MYT1L: variants seen among roughly 807,000 people sequenced by gnomAD.
MYT1L encodes the protein myelin transcription factor 1-like protein.
In MYT1L, 12 loss-of-function variants were observed where a neutral mutation model predicts 126.7. The ratio of observed to expected loss-of-function variants is 0.09; its 90% confidence interval spans 0.06 to 0.15. MYT1L has a LOEUF of 0.15. MYT1L is among the 10% of genes least tolerant of loss of function. The pLI is 1.00. For synonymous variants in MYT1L, 541 were observed against 604.2 expected (o/e 0.90, Z 1.53); for missense variants, 979 against 1,585.2 (o/e 0.62, Z 6.49).
chr2:2,285,083 T>G (rs1307494984), intron 1 of MYT1L, among the ~76,000 whole-genome samples: 1 of 152,188 alleles, frequency 6.6e-6, no homozygotes, highest in Non-Finnish European at 1.5e-5. Flanking sequence ...GTCAGTTGTG[T>G]GAAACTTGAG....
intron 3 of MYT1L, among the ~76,000 whole-genome samples, chr2:2,124,526 C>A (rs1406454505): frequency 6.6e-6 from 1 of 152,152 alleles, no homozygotes; most frequent in Non-Finnish European, 1.5e-5. Context: ...GAACTTCTGA[C>A]CTCAGGTAAT....
intron 23 of MYT1L, among the ~76,000 whole-genome samples, chr2:1,792,871 C>CAAAAAAAAAAAAAAAAAA (rs55682787): frequency 1.3e-5 from 1 of 76,298 alleles, no homozygotes; most frequent in African/African-American, 4.8e-5. Context: ...TTCCGTCTCA[C>CAAAAAAAAAAAAAAAAAA]AAAAAAAAAA....
intron 8 of MYT1L, among the ~76,000 whole-genome samples, chr2:1,963,120 G>A (rs1236337070): frequency 6.6e-6 from 1 of 152,212 alleles, no homozygotes; most frequent in African/African-American, 2.4e-5. Flanking sequence ...CCCATGGGCT[G>A]CAGAATGGAT....
intron 15 of MYT1L, 102 bp downstream of exon 15, chr2:1,891,935 C>A: frequency 2.8e-6 from 4 of 1,433,314 alleles, no homozygotes; most frequent in Non-Finnish European, 3.6e-6. Context: ...ACGGCGTTTG[C>A]CCCATACAGC....
chr2:1,927,223 T>C (rs1292833817), intron 9 of MYT1L, among the ~76,000 whole-genome samples: 1 of 152,012 alleles, frequency 6.6e-6, no homozygotes. Context: ...ATTCAGTGGC[T>C]GATCTCATGG....
intron 18 of MYT1L, among the ~76,000 whole-genome samples, chr2:1,866,647 GAGAC>G (rs2045551264): frequency 1.3e-5 from 1 of 74,164 alleles, no homozygotes; most frequent in Non-Finnish European, 2.6e-5. Flanking sequence ...GGGAGAGAGA[GAGAC>G]AGAGAGAGAG....
intron 8 of MYT1L, among the ~76,000 whole-genome samples, chr2:1,946,690 A>G (rs569484108): frequency 6.6e-6 from 1 of 152,334 alleles, no homozygotes; most frequent in Admixed American, 6.5e-5. Context: ...AAGAAAAAAA[A>G]TTCATCTATA....
chr2:1,889,978 T>C lies in MYT1L; in HGVS notation c.2284-501A>G, dbSNP rs2148859330. On this transcript the variant is annotated intron_variant, in intron 15 of 24. Transcript: ENST00000647738. The surrounding 1 kb of genome is among the most constrained non-coding windows in gnomAD (Gnocchi z 4.1). ...TAAAAATTCTCTTTTTTATTGATGC[T>C]AATAGTTCAAGAATTAGGGAGGAGG... 6.6e-6 allele frequency among the ~76,000 whole-genome samples: 1 copy of C among 152,240 alleles called. No individual in the cohort carries two copies. The highest frequency in any genetic ancestry group is 2.1e-4 in the South Asian group (1 of 4,818).
intron 2 of MYT1L, among the ~76,000 whole-genome samples, chr2:2,240,923 A>G (rs2094427817): frequency 6.6e-6 from 1 of 152,156 alleles, no homozygotes; most frequent in African/African-American, 2.4e-5. Context: ...AATCAGAATA[A>G]TGCCCTGATT....
intron 2 of MYT1L, among the ~76,000 whole-genome samples, chr2:2,245,602 C>G (rs1304806782): frequency 1.3e-5 from 2 of 151,476 alleles, no homozygotes; most frequent in African/African-American, 4.9e-5. Context: ...AATACACTAG[C>G]AGCCCCCAGG....
intron 3 of MYT1L, among the ~76,000 whole-genome samples, chr2:2,106,898 G>A (rs77628261): frequency 0.029 from 4,342 of 152,262 alleles, 89 homozygotes; most frequent in South Asian, 0.088. Context: ...CTAATGTCTG[G>A]AGACAGCTTC....
At chr2:2,033,454 G>A (rs943302822) in intron 4 of MYT1L, among the ~76,000 whole-genome samples, 27 of 152,038 alleles carry the variant, frequency 1.8e-4, no homozygotes, top group African/African-American at 6.3e-4. Context: ...CACACCGCTC[G>A]CCAGTGCCTC....
At chr2:2,219,467 A>C (rs1221408857) in intron 2 of MYT1L, among the ~76,000 whole-genome samples, 1 of 152,228 alleles carries the variant, frequency 6.6e-6, no homozygotes, top group Admixed American at 6.5e-5. Context: ...GTGTACTAAC[A>C]TTCTTAAATA....
At chr2:2,021,373 CAGGAGGCTTTTAAAGGGTTTATGT>C (rs1367014485) in intron 4 of MYT1L, among the ~76,000 whole-genome samples, 3 of 152,092 alleles carry the variant, frequency 2.0e-5, no homozygotes, top group Non-Finnish European at 4.4e-5. Flanking sequence ...CTAGCAGTGG[CAGGAGGCTTTTAAAGGGTTTATGT>C]AGGGAGCAAA....
At position 1,802,343 on chromosome 2, in the gene MYT1L, A is replaced by T. The variant is rs188561300; in HGVS notation, c.3173-544T>A. On this transcript the variant is annotated intron_variant, in intron 22 of 24. Coordinates refer to ENST00000647738, the MANE Select transcript of MYT1L (RefSeq NM_001303052.2). ...AAATGCCGTCCAGCAAACGCTGAGG[A>T]TGACCTCACCTTACCCACCGACAGG... Among the ~76,000 whole-genome samples the T allele has an allele frequency of 5.8e-3, 883 of 152,276 alleles. 1 individual carries two copies. The highest frequency in any genetic ancestry group is 1.0e-2 in the Non-Finnish European group (678 of 68,018).
intron 4 of MYT1L, among the ~76,000 whole-genome samples, chr2:2,009,905 T>G (rs1245645051): frequency 6.6e-6 from 1 of 151,232 alleles, no homozygotes; most frequent in Non-Finnish European, 1.5e-5. Context: ...AGAGTTTTTT[T>G]TTTTTTTTTT....
chr2:2,222,896 T>C (rs535498112), intron 2 of MYT1L, among the ~76,000 whole-genome samples: 21 of 152,310 alleles, frequency 1.4e-4, no homozygotes, highest in African/African-American at 5.1e-4. Context: ...AAAATTATTA[T>C]AAAATATGCA....
chr2:2,276,477 T>G (rs542218741), intron 2 of MYT1L, among the ~76,000 whole-genome samples: 6 of 152,198 alleles, frequency 3.9e-5, no homozygotes, highest in Non-Finnish European at 7.3e-5. Context: ...AAAGAAATGG[T>G]TTCAGGAATC....
chr2:2,239,068 G>A (rs1485695011), intron 2 of MYT1L, among the ~76,000 whole-genome samples: 1 of 152,214 alleles, frequency 6.6e-6, no homozygotes, highest in Non-Finnish European at 1.5e-5. Flanking sequence ...TGAAGATAAC[G>A]ATAATTCTCA....
Sources: allele counts gnomAD v4.1 joint callset (sites outside exome capture counted in the v4.1 genomes callset), GRCh38; gene constraint gnomAD v4.1.1; non-coding constraint Gnocchi (gnomAD v3.1); transcripts MANE v1.5; gene names NCBI Gene and HGNC (gene_info 2026-07-23, HGNC 2026-07-21).